SHC3: variants seen among roughly 807,000 people sequenced by gnomAD.
SHC3 encodes SHC-transforming protein 3.
A neutral mutation model predicts 60.4 loss-of-function variants in SHC3; 15 were observed. The observed-to-expected ratio is 0.25, with a 90% CI of 0.17 to 0.38. SHC3 has a LOEUF of 0.38. Among genes scored for constraint, SHC3 ranks in the 10% least tolerant of loss-of-function variants. The pLI is 1.00. For missense variants in SHC3, 677 were observed against 786.1 expected, an observed-to-expected ratio of 0.86 and a Z score of 1.66; for synonymous variants, 294 against 325.9, an observed-to-expected ratio of 0.90 and a Z score of 1.05.
rs1824616069 is a variant in SHC3 at position 89,038,219 on chromosome 9, C to T, written c.1430G>A (p.Cys477Tyr). The T allele has an allele frequency of 1.2e-6, 2 of 1,614,040 alleles. No individual in the cohort carries two copies. The highest frequency in any genetic ancestry group is 8.5e-7 in the Non-Finnish European group (1 of 1,180,018). Residue 477 changes from cysteine (C) to tyrosine (Y), a missense_variant, in exon 11 of 12, where the codon TGC becomes TAC. Cys to Tyr is a radical substitution (Grantham distance 194). Transcript: ENST00000375835. ...PVLSKAASVE[C>Y]ISPVSPRAPD... ...GGCTCTAGGTGACACAGGGCTGATGCACTCCACGGAGGCTGCCTTGCTTAA... is the reference window on the plus strand; with the variant it reads ...GGCTCTAGGTGACACAGGGCTGATGTACTCCACGGAGGCTGCCTTGCTTAA...
intron 1 of SHC3, among the ~76,000 whole-genome samples, chr9:89,147,941 T>G (rs549526601): frequency 7.5e-4 from 114 of 152,256 alleles, no homozygotes; most frequent in Middle Eastern, 3.4e-3. Flanking sequence ...GTGCCTTCGC[T>G]CCTCTGCCTA....
Position 89,045,798 on chromosome 9 carries a change from T to A in SHC3, c.1149A>T (p.Arg383Ser), listed in dbSNP as rs748664427. Residue 383 changes from arginine to serine, a missense_variant, in exon 9 of 12, where the codon AGA (arginine) becomes AGT (serine). Coordinates refer to ENST00000375835, the MANE Select transcript of SHC3 (RefSeq NM_016848.6). ...CTTCGCCAAAAGTGTCTCCTAAGTG[T>A]CTTCCCTGGTAATAAGTCTGCTCTT... is the stretch of plus-strand genomic sequence containing the variant. The part of the protein sequence containing the change: ...AGKEQTYYQG[R>S]HLGDTFGEDW... The A allele has an allele frequency of 6.2e-6, 10 of 1,614,176 alleles. 1 individual carries two copies. The South Asian group carries it at 1.1e-4, about 18-fold the overall frequency.
At chr9:89,043,043 A>C (rs1033143130) in intron 9 of SHC3, among the ~76,000 whole-genome samples, 4 of 152,246 alleles carry the variant, frequency 2.6e-5, no homozygotes, top group East Asian at 3.9e-4. Context: ...CTTCTTACGT[A>C]AACATGTTCG....
intron 1 of SHC3, among the ~76,000 whole-genome samples, chr9:89,175,048 A>G (rs999260480): frequency 1.3e-5 from 2 of 152,204 alleles, no homozygotes; most frequent in African/African-American, 4.8e-5. Context: ...ACTCATTGGT[A>G]TTTCTTTTAG....
intron 1 of SHC3, among the ~76,000 whole-genome samples, chr9:89,158,311 A>G (rs1564187539): frequency 6.6e-6 from 1 of 151,792 alleles, no homozygotes; most frequent in African/African-American, 2.4e-5. Flanking sequence ...AGATTTTCTT[A>G]TTGTTTTTCT....
chr9:89,129,442 A>G (rs1411708839), intron 1 of SHC3, among the ~76,000 whole-genome samples: 4 of 152,202 alleles, frequency 2.6e-5, no homozygotes, highest in African/African-American at 9.6e-5. Context: ...AGCAACTCCA[A>G]GACACATAAT....
intron 1 of SHC3, among the ~76,000 whole-genome samples, chr9:89,172,897 C>A (rs1455967287): frequency 6.6e-6 from 1 of 152,176 alleles, no homozygotes; most frequent in Non-Finnish European, 1.5e-5. Flanking sequence ...GACTTGGATC[C>A]TTGTACTGCA....
chr9:89,041,633 A>G (rs1347763480), intron 10 of SHC3, among the ~76,000 whole-genome samples: 1 of 152,260 alleles, frequency 6.6e-6, no homozygotes, highest in African/African-American at 2.4e-5. Flanking sequence ...GGTCTGCTTC[A>G]TAGACCTAGA....
intron 11 of SHC3, among the ~76,000 whole-genome samples, chr9:89,029,308 A>G (rs191774852): frequency 2.4e-4 from 36 of 152,194 alleles, no homozygotes; most frequent in African/African-American, 7.0e-4. Flanking sequence ...AACAATGAAT[A>G]GAAAAAGACA....
At chr9:89,157,680 A>C (rs867011847) in intron 1 of SHC3, among the ~76,000 whole-genome samples, 1 of 152,026 alleles carries the variant, frequency 6.6e-6, no homozygotes, top group African/African-American at 2.4e-5. Context: ...CAGTGGTGCA[A>C]TCATAGCTCA....
intron 7 of SHC3, among the ~76,000 whole-genome samples, chr9:89,049,633 G>C (rs930314024): frequency 1.3e-5 from 2 of 152,194 alleles, no homozygotes; most frequent in Non-Finnish European, 2.9e-5. Context: ...GTTAAATCAA[G>C]TTTAGCCTAA....
intron 2 of SHC3, among the ~76,000 whole-genome samples, chr9:89,082,692 G>A (rs1825464637): frequency 6.6e-6 from 1 of 152,126 alleles, no homozygotes; most frequent in South Asian, 2.1e-4. Context: ...CCCTTTGTAG[G>A]AGGGCCAGCC....
Position 89,006,846 on chromosome 9 carries a change from C to T in SHC3, c.*6601G>A, listed in dbSNP as rs1448687739. ...AATTAACCCCATTAATATTTAAAGA[C>T]GGATTTATCCATTAATGCCTGTTTT... On this transcript the variant is annotated 3_prime_UTR_variant, in exon 12 of 12. Transcript: ENST00000375835. The T allele has an allele frequency of 1.3e-5, 2 of 152,178 alleles. No homozygotes were observed. The highest frequency in any genetic ancestry group is 2.9e-5 in the Non-Finnish European group (2 of 68,042). 9.4% of individuals were successfully genotyped at this position (152,178 alleles called of 1,614,324 possible).
intron 1 of SHC3, among the ~76,000 whole-genome samples, chr9:89,120,260 C>G (rs1826074272): frequency 6.6e-6 from 1 of 151,926 alleles, no homozygotes; most frequent in African/African-American, 2.4e-5. Flanking sequence ...TAAAACAAAA[C>G]AAATGACATA....
intron 1 of SHC3, among the ~76,000 whole-genome samples, chr9:89,172,928 T>C (rs1186888404): frequency 1.3e-5 from 2 of 152,192 alleles, no homozygotes; most frequent in Non-Finnish European, 2.9e-5. Context: ...CTGGCCCCAG[T>C]GATCCAGCAG....
At chr9:89,052,007 T>A in intron 7 of SHC3, 30 bp downstream of exon 7, 1 of 1,610,950 alleles carries the variant, frequency 6.2e-7, no homozygotes, top group Non-Finnish European at 8.5e-7. Context: ...CCACATAGGC[T>A]ATTGCAAATG....
chr9:89,049,180 G>T (rs1237266528), intron 7 of SHC3, among the ~76,000 whole-genome samples: 1 of 152,176 alleles, frequency 6.6e-6, no homozygotes, highest in Non-Finnish European at 1.5e-5. Context: ...AGAATGGCGC[G>T]AACCCGGTAG....
chr9:89,046,424 A>G (rs1359540540), intron 8 of SHC3, among the ~76,000 whole-genome samples: 1 of 152,240 alleles, frequency 6.6e-6, no homozygotes, highest in Non-Finnish European at 1.5e-5. Flanking sequence ...TGAGTTGGAC[A>G]TAAAACAAGG....
At chr9:89,032,175 A>C (rs1346339907) in intron 11 of SHC3, among the ~76,000 whole-genome samples, 1 of 152,226 alleles carries the variant, frequency 6.6e-6, no homozygotes, top group Non-Finnish European at 1.5e-5. Flanking sequence ...TTGTTATTGC[A>C]GAACAGCCTA....
Sources: gnomAD v4.1 joint callset for allele counts (sites outside exome capture counted in the v4.1 genomes callset) on GRCh38, gnomAD v4.1.1 for gene constraint, MANE v1.5 for transcripts, NCBI Gene and HGNC (gene_info 2026-07-23, HGNC 2026-07-21) for gene names.